The following PAK1 variants were observed in gnomAD, a reference collection of about 807,000 sequenced individuals.
PAK1 encodes serine/threonine-protein kinase PAK 1.
Under a neutral mutation model 67.4 loss-of-function variants are expected in PAK1, and 29 were observed. The ratio of observed to expected loss-of-function variants is 0.43; its 90% CI spans 0.32 to 0.59. PAK1 has a LOEUF of 0.59. Ranked by LOEUF, PAK1 falls within the 20% of genes least tolerant of loss-of-function variation. The probability of loss-of-function intolerance (pLI) is 0.07; values close to 1 mark genes in which losing one functional copy is unlikely to be tolerated. For synonymous variants in PAK1, 223 were observed against 237.4 expected (o/e 0.94, Z 0.56); for missense variants, 337 against 670.7 (o/e 0.50, Z 5.50).
At chr11:77,496,758 C>T in the PAK1 span, among the ~76,000 whole-genome samples, 32 of 152,076 alleles carry the variant, frequency 2.1e-4, no homozygotes, top group Non-Finnish European at 7.4e-5. Context: ...TATGGCAAAA[C>T]GCTGTCTCTA....
At chr11:77,501,020 A>G in the PAK1 span, among the ~76,000 whole-genome samples, 14 of 150,562 alleles carry the variant, frequency 9.3e-5, no homozygotes, top group Admixed American at 4.6e-4. Context: ...GCGTGGTGGC[A>G]GGCGCCTGTA....
chr11:77,516,420 G>T, the PAK1 span, among the ~76,000 whole-genome samples: 1 of 152,152 alleles, frequency 6.6e-6, no homozygotes, highest in Non-Finnish European at 1.5e-5. Flanking sequence ...AATAGAAAAA[G>T]TAACACAACC....
chr11:77,472,436 C>A (rs1027223329), intron 1 of PAK1, among the ~76,000 whole-genome samples: 1 of 152,170 alleles, frequency 6.6e-6, no homozygotes, highest in Non-Finnish European at 1.5e-5. Flanking sequence ...AGAGGAGAGA[C>A]AGGATGGAGG....
chr11:77,461,772 G>A (rs1481447950), intron 1 of PAK1, among the ~76,000 whole-genome samples: 10 of 152,108 alleles, frequency 6.6e-5, no homozygotes, highest in African/African-American at 2.4e-5. Context: ...ATTTTTAATG[G>A]AACAAAGTCA....
the PAK1 span, among the ~76,000 whole-genome samples, chr11:77,527,779 GTTCA>G: frequency 6.6e-6 from 1 of 152,100 alleles, no homozygotes; most frequent in African/African-American, 2.4e-5. Flanking sequence ...GAATCCATGT[GTTCA>G]TTATCACCCA....
At chr11:77,410,770 A>G (rs536300206) in intron 1 of PAK1, among the ~76,000 whole-genome samples, 2 of 152,172 alleles carry the variant, frequency 1.3e-5, no homozygotes, top group East Asian at 3.9e-4. Flanking sequence ...GAGTCATGAA[A>G]AAACTAGGGG....
the PAK1 span, among the ~76,000 whole-genome samples, chr11:77,495,055 G>A: frequency 1.3e-5 from 2 of 151,950 alleles, no homozygotes; most frequent in Non-Finnish European, 2.9e-5. Flanking sequence ...CCAGCTACTT[G>A]GGAGGCTGAG....
At chr11:77,505,006 G>A in the PAK1 span, among the ~76,000 whole-genome samples, 7 of 152,306 alleles carry the variant, frequency 4.6e-5, no homozygotes, top group Non-Finnish European at 8.8e-5. Context: ...GTGGAGCCAC[G>A]ATCTGGAGCC....
At chr11:77,431,365 T>C (rs1432514560) in intron 1 of PAK1, among the ~76,000 whole-genome samples, 1 of 152,208 alleles carries the variant, frequency 6.6e-6, no homozygotes, top group Non-Finnish European at 1.5e-5. Flanking sequence ...ATAGAAGTGT[T>C]ATTCTCTAAG....
At position 77,343,947 on chromosome 11, in the gene PAK1, T is replaced by C. The variant is rs1354103345; in HGVS notation, c.886-16A>G. ...TAATGGCCACCTGAAATCAAGAGTA[T>C]ATTCAATGTGCAACCATAGTCATTC... On this transcript the variant is annotated splice_polypyrimidine_tract_variant and intron_variant, in intron 9 of 14. Coordinates refer to ENST00000356341, the MANE Select transcript of PAK1 (RefSeq NM_002576.5). 1 of 1,525,826 alleles carries C rather than the reference T, an allele frequency of 6.6e-7. No individual in the cohort carries two copies. Among genetic ancestry groups the C allele is most frequent in the Non-Finnish European group, 9.1e-7 (1 of 1,099,634 alleles). 94.5% of individuals were successfully genotyped at this position (1,525,826 alleles called of 1,614,324 possible).
At chr11:77,380,072 C>G in intron 2 of PAK1, 78 bp from the exon 3 acceptor site, 1 of 1,039,726 alleles carries the variant, frequency 9.6e-7, no homozygotes, top group Non-Finnish European at 1.4e-6. Context: ...CTTTATTGAG[C>G]TGTAGTCTCC....
chr11:77,324,159 C>A (rs1435124795), intron 14 of PAK1, among the ~76,000 whole-genome samples: 1 of 147,494 alleles, frequency 6.8e-6, no homozygotes, highest in Non-Finnish European at 1.5e-5. Context: ...AAAACTGTTA[C>A]AGAAAGCAAT....
chr11:77,401,722 T>A (rs1180673880), intron 1 of PAK1, among the ~76,000 whole-genome samples: 2 of 152,192 alleles, frequency 1.3e-5, no homozygotes, highest in Non-Finnish European at 2.9e-5. Context: ...CCAACCTGAC[T>A]CACTTCCCCT....
intron 14 of PAK1, among the ~76,000 whole-genome samples, chr11:77,326,051 G>T (rs1028676000): frequency 6.6e-6 from 1 of 152,076 alleles, no homozygotes. Context: ...TTCATAATAC[G>T]AAAGCAAATG....
Position 77,436,340 on chromosome 11 carries a change from C to A in PAK1, c.-22+37212G>T, listed in dbSNP as rs141091885. 9.8e-5 allele frequency among the ~76,000 whole-genome samples: 15 copies of A among 152,286 alleles called. No individual in the cohort carries two copies. In the East Asian group the frequency reaches 2.9e-3, roughly 29 times the overall value. On this transcript the variant is annotated intron_variant, in intron 1 of 14. Coordinates refer to ENST00000356341, the MANE Select transcript of PAK1 (RefSeq NM_002576.5). ...AACAGATTTGGCTAAGACCACAGAG[C>A]AAAATCATATAGCTCTAATCATGAT...
chr11:77,417,113 T>A (rs1955005718), intron 1 of PAK1, among the ~76,000 whole-genome samples: 1 of 152,224 alleles, frequency 6.6e-6, no homozygotes, highest in Non-Finnish European at 1.5e-5. Flanking sequence ...GAATCATCAT[T>A]ATGTGATTAT....
intron 5 of PAK1, among the ~76,000 whole-genome samples, chr11:77,373,559 C>CT (rs1208786295): frequency 9.5e-4 from 110 of 115,488 alleles, no homozygotes; most frequent in Admixed American, 1.7e-3. Context: ...AACCTCGTCT[C>CT]TTTAAAAAAA....
At chr11:77,493,559 T>C in the PAK1 span, among the ~76,000 whole-genome samples, 2 of 148,932 alleles carry the variant, frequency 1.3e-5, no homozygotes, top group Non-Finnish European at 3.0e-5. Context: ...TCCCAAACTG[T>C]TGGGATTACA....
chr11:77,492,590 A>C, the PAK1 span, among the ~76,000 whole-genome samples: 1 of 142,706 alleles, frequency 7.0e-6, no homozygotes, highest in African/African-American at 2.6e-5. Context: ...TCTGTCGCCC[A>C]GGTTGCGGTG....
Sources: gnomAD v4.1 joint callset for allele counts (sites outside exome capture counted in the v4.1 genomes callset) on GRCh38, gnomAD v4.1.1 for gene constraint, MANE v1.5 for transcripts, NCBI Gene and HGNC (gene_info 2026-07-23, HGNC 2026-07-21) for gene names.